THSD4: variants seen among roughly 807,000 people sequenced by gnomAD.
THSD4 encodes thrombospondin type 1 domain containing 4.
THSD4 carries 69 observed loss-of-function variants against 119.0 expected under a neutral mutation model. That is an observed-to-expected ratio of 0.58 (90% CI 0.48 to 0.71). The LOEUF (loss-of-function observed/expected upper bound fraction) is 0.71, where lower values mean the gene tolerates loss of function less well. Among genes scored for constraint, THSD4 ranks in the 30% least tolerant of loss-of-function variants. THSD4 has a pLI of 0.00. For missense variants in THSD4, 1,393 were observed against 1,391.1 expected (o/e 1.00, Z -0.02); for synonymous variants, 524 against 540.4 (o/e 0.97, Z 0.42).
chr15:71,540,553 C>T (rs1182698646), intron 7 of THSD4, among the ~76,000 whole-genome samples: 34 of 144,280 alleles, frequency 2.4e-4, no homozygotes, highest in South Asian at 2.2e-4. Context: ...CTCAGCCTCC[C>T]GAGTAGATGG....
intron 8 of THSD4, among the ~76,000 whole-genome samples, chr15:71,694,512 T>C (rs1028144383): frequency 6.6e-6 from 1 of 152,240 alleles, no homozygotes; most frequent in Non-Finnish European, 1.5e-5. Context: ...TTTTCATTTC[T>C]GTGTATAGTT....
intron 7 of THSD4, among the ~76,000 whole-genome samples, chr15:71,586,151 G>A (rs72739284): frequency 0.066 from 10,030 of 152,160 alleles, 360 homozygotes; most frequent in Admixed American, 0.12. Flanking sequence ...CATAATTCAT[G>A]TAGCCTTGGA....
chr15:71,466,130 A>G (rs2047495713), intron 7 of THSD4, among the ~76,000 whole-genome samples: 1 of 152,080 alleles, frequency 6.6e-6, no homozygotes, highest in Admixed American at 6.6e-5. Context: ...TGGGTGGATC[A>G]CGAGGTCAGG....
At chr15:71,723,933 G>C (rs1290094865) in intron 8 of THSD4, among the ~76,000 whole-genome samples, 1 of 151,940 alleles carries the variant, frequency 6.6e-6, no homozygotes, top group Non-Finnish European at 1.5e-5. Flanking sequence ...AACCGATTGT[G>C]GTGGTGCGCA....
At chr15:71,505,854 G>T (rs2048178296) in intron 7 of THSD4, among the ~76,000 whole-genome samples, 1 of 152,202 alleles carries the variant, frequency 6.6e-6, no homozygotes, top group African/African-American at 2.4e-5. Flanking sequence ...TAGAAAGTGG[G>T]CTGGTTCTCT....
chr15:71,488,443 C>T (rs372670688), intron 7 of THSD4, among the ~76,000 whole-genome samples: 5 of 152,272 alleles, frequency 3.3e-5, no homozygotes, highest in East Asian at 1.9e-4. Context: ...AAAACTTAGA[C>T]GTTTCCATTC....
chr15:71,750,558 ATCT>A (rs1416544074), intron 14 of THSD4, among the ~76,000 whole-genome samples: 1 of 152,148 alleles, frequency 6.6e-6, no homozygotes, highest in Non-Finnish European at 1.5e-5. Context: ...CTAGCGGCTC[ATCT>A]TCTTGTGTGT....
chr15:71,544,857 G>A (rs1216818868), intron 7 of THSD4, among the ~76,000 whole-genome samples: 2 of 152,220 alleles, frequency 1.3e-5, no homozygotes, highest in Non-Finnish European at 2.9e-5. Flanking sequence ...ACCTGTTACA[G>A]AGTGGATGAA....
rs1466434012 is a variant in THSD4 at position 71,115,851 on chromosome 15, G to A, written c.-80+153G>A. On this transcript the variant is annotated intron_variant, in intron 1 of 17. Coordinates refer to ENST00000261862, the MANE Select transcript of THSD4 (RefSeq NM_024817.3). This position sits in a 1 kb window ranked among gnomAD's most constrained non-coding sequence, Gnocchi z 4.4. ...GTGTGTCCGGGGCGCCGCGGGCTGC[G>A]CCGCTCCGGGCTCGGGGAGCCAGCG... 6.6e-6 allele frequency among the ~76,000 whole-genome samples: 1 copy of A among 151,398 alleles called. No individual in the cohort carries two copies. Among genetic ancestry groups the A allele is most frequent in the African/African-American group, 2.4e-5 (1 of 41,162 alleles).
At chr15:71,339,598 C>A (rs1262781903) in intron 6 of THSD4, among the ~76,000 whole-genome samples, 2 of 152,050 alleles carry the variant, frequency 1.3e-5, no homozygotes, top group African/African-American at 4.8e-5. Flanking sequence ...CCCAGCACTA[C>A]CTAGTATGGT....
At chr15:71,416,746 G>A (rs11635407) in intron 7 of THSD4, among the ~76,000 whole-genome samples, 4 of 16,508 alleles carry the variant, frequency 2.4e-4, no homozygotes, top group South Asian at 0.014. Context: ...GTTTTGTTTT[G>A]TTTTATTTTA....
rs1255902343 is a variant in THSD4, at chr15:71,782,032, C to T, written c.*4658C>T. ...GAAACACTGGCAAGTTGGTCAGAGCCGCCGTCTGCATCGAGGCGTAGCTGA... is the reference window on the plus strand; with the variant it reads ...GAAACACTGGCAAGTTGGTCAGAGCTGCCGTCTGCATCGAGGCGTAGCTGA... On this transcript the variant is annotated 3_prime_UTR_variant, in exon 18 of 18. Coordinates refer to ENST00000261862, the MANE Select transcript of THSD4 (RefSeq NM_024817.3). 1.3e-5 allele frequency: 2 copies of T among 152,290 alleles called. No homozygotes were observed. The highest frequency in any genetic ancestry group is 2.9e-5 in the Non-Finnish European group (2 of 68,100). The allele number at this position is 152,290 out of a possible 1,614,324, so 9.4% of individuals were successfully genotyped here. A position where few individuals can be genotyped will look rare whatever the true frequency, so the allele number is the denominator to read the frequency against.
At chr15:71,107,540 G>A (rs1276748370) in intron 1 of THSD4, among the ~76,000 whole-genome samples, 1 of 152,220 alleles carries the variant, frequency 6.6e-6, no homozygotes, top group Admixed American at 6.5e-5. Context: ...GCATGTCAGG[G>A]TGATTTGGTT....
chr15:71,253,168 A>G (rs532352056), intron 5 of THSD4, among the ~76,000 whole-genome samples: 1 of 152,322 alleles, frequency 6.6e-6, no homozygotes, highest in Non-Finnish European at 1.5e-5. Context: ...CTCTAATGCC[A>G]TGTTAAGCTT....
intron 3 of THSD4, among the ~76,000 whole-genome samples, chr15:71,207,671 G>T (rs1484707475): frequency 6.6e-6 from 1 of 152,226 alleles, no homozygotes; most frequent in Non-Finnish European, 1.5e-5. Context: ...TGTCAGATGG[G>T]CAGCGGCATT....
At chr15:71,377,873 C>CACACACACACACACACACACACACACAA (rs2046162654) in intron 6 of THSD4, among the ~76,000 whole-genome samples, 2 of 66,836 alleles carry the variant, frequency 3.0e-5, no homozygotes, top group African/African-American at 1.2e-4. Flanking sequence ...CCACAACACA[C>CACACACACACACACACACACACACACAA]ACACACACAC....
chr15:71,504,091 T>C (rs113119764), intron 7 of THSD4, among the ~76,000 whole-genome samples: 116 of 152,266 alleles, frequency 7.6e-4, no homozygotes, highest in African/African-American at 2.7e-3. Flanking sequence ...AAGTGAAGGC[T>C]TTTCAAACAG....
At chr15:71,227,346 T>C (rs762944085) in intron 4 of THSD4, among the ~76,000 whole-genome samples, 8 of 152,250 alleles carry the variant, frequency 5.3e-5, no homozygotes, top group Non-Finnish European at 1.0e-4. Context: ...GGAAAAAGCC[T>C]GACTGCAATA....
chr15:71,493,006 T>C (rs1245700540), intron 7 of THSD4, among the ~76,000 whole-genome samples: 1 of 152,098 alleles, frequency 6.6e-6, no homozygotes, highest in Non-Finnish European at 1.5e-5. Flanking sequence ...CCAAATAAAA[T>C]TTGTGAATTC....
Sources: gnomAD v4.1 joint callset for allele counts (sites outside exome capture counted in the v4.1 genomes callset) on GRCh38, gnomAD v4.1.1 for gene constraint, Gnocchi (gnomAD v3.1) non-coding constraint, MANE v1.5 for transcripts, NCBI Gene and HGNC (gene_info 2026-07-23, HGNC 2026-07-21) for gene names.